The following VEPH1 variants were observed in gnomAD, a reference collection of about 807,000 sequenced individuals.
The protein encoded by VEPH1 is ventricular zone expressed PH domain containing 1.
A neutral mutation model predicts 85.2 loss-of-function variants in VEPH1; 80 were observed. That is an observed-to-expected ratio of 0.94 (90% CI 0.78 to 1.13). VEPH1 has a LOEUF of 1.13. Ranked by LOEUF, VEPH1 falls within the 50% of genes most tolerant of loss-of-function variation. The pLI is 0.00. For missense variants in VEPH1, 955 were observed against 980.5 expected, an observed-to-expected ratio of 0.97 and a Z score of 0.35; for synonymous variants, 297 against 348.0, an observed-to-expected ratio of 0.85 and a Z score of 1.63.
At chr3:157,349,256 A>T (rs1724578810) in intron 9 of VEPH1, among the ~76,000 whole-genome samples, 1 of 152,274 alleles carries the variant, frequency 6.6e-6, no homozygotes, top group African/African-American at 2.4e-5. Flanking sequence ...GTCATAAATT[A>T]TATCAATAGA....
At chr3:157,262,303 A>C (rs1713018719) in intron 13 of VEPH1, among the ~76,000 whole-genome samples, 1 of 152,148 alleles carries the variant, frequency 6.6e-6, no homozygotes, top group African/African-American at 2.4e-5. Context: ...ATTTTCAATA[A>C]TATTTCAATT....
intron 4 of VEPH1, among the ~76,000 whole-genome samples, chr3:157,435,061 T>C (rs1294050341): frequency 2.0e-5 from 3 of 151,888 alleles, no homozygotes; most frequent in African/African-American, 7.3e-5. Context: ...TTTTAAAATT[T>C]TCAATTAACT....
intron 11 of VEPH1, among the ~76,000 whole-genome samples, chr3:157,312,792 T>C (rs1157894138): frequency 2.0e-5 from 3 of 151,472 alleles, no homozygotes; most frequent in Non-Finnish European, 4.4e-5. Context: ...GGGTAATTTA[T>C]AAATAATGGA....
intron 7 of VEPH1, among the ~76,000 whole-genome samples, chr3:157,372,305 T>C (rs1039142777): frequency 1.3e-5 from 2 of 152,174 alleles, no homozygotes; most frequent in South Asian, 2.1e-4. Context: ...ATATACTTAA[T>C]CAAAAACACA....
At position 157,265,509 on chromosome 3, in the gene VEPH1, A is replaced by G. The variant is rs1036270615; in HGVS notation, c.2265+17T>C. The G allele has an allele frequency of 6.2e-7, 1 of 1,609,596 alleles. No individual in the cohort carries two copies. The highest frequency in any genetic ancestry group is 1.3e-5 in the African/African-American group (1 of 74,732). On this transcript the variant is annotated intron_variant, in intron 13 of 13. Transcript: ENST00000362010. ...AACCTTAAAAATGCAAGTGTAAAAG[A>G]TGATGGAGGAACTTACAGACTTTCC...
chr3:157,477,919 C>T (rs1375377501), intron 2 of VEPH1, among the ~76,000 whole-genome samples: 2 of 152,158 alleles, frequency 1.3e-5, no homozygotes, highest in African/African-American at 2.4e-5. Flanking sequence ...AACAAGAGAT[C>T]AATCAGCTTA....
chr3:157,294,750 GCTTTTTGAACAAATT>G (rs1205118786), intron 11 of VEPH1, among the ~76,000 whole-genome samples: 1 of 152,162 alleles, frequency 6.6e-6, no homozygotes, highest in South Asian at 2.1e-4. Context: ...CACAGTTAGG[GCTTTTTGAACAAATT>G]TTACTGAAAC....
At chr3:157,423,645 C>T (rs183707466) in intron 5 of VEPH1, among the ~76,000 whole-genome samples, 1 of 152,278 alleles carries the variant, frequency 6.6e-6, no homozygotes, top group East Asian at 1.9e-4. Flanking sequence ...AATTCATTAC[C>T]CCCATCTCTG....
At chr3:157,470,773 G>T (rs1736870226) in intron 2 of VEPH1, among the ~76,000 whole-genome samples, 1 of 152,142 alleles carries the variant, frequency 6.6e-6, no homozygotes, top group Non-Finnish European at 1.5e-5. Flanking sequence ...GGATCCCTGA[G>T]AGTACACAGG....
intron 6 of VEPH1, among the ~76,000 whole-genome samples, chr3:157,388,432 A>ATTTTCCCAG (rs1220807389): frequency 6.6e-6 from 1 of 152,148 alleles, no homozygotes; most frequent in Non-Finnish European, 1.5e-5. Flanking sequence ...TTGCCCCAAG[A>ATTTTCCCAG]TTTTCCCAGT....
intron 9 of VEPH1, among the ~76,000 whole-genome samples, chr3:157,351,307 G>C (rs1724842115): frequency 6.6e-6 from 1 of 152,128 alleles, no homozygotes; most frequent in Non-Finnish European, 1.5e-5. Context: ...TTAGCCTGGA[G>C]TGGTAGCGCA....
At chr3:157,298,183 C>T (rs1195020160) in intron 11 of VEPH1, among the ~76,000 whole-genome samples, 1 of 152,196 alleles carries the variant, frequency 6.6e-6, no homozygotes, top group Non-Finnish European at 1.5e-5. Context: ...GAATTAAATG[C>T]ATCATCTCAT....
intron 4 of VEPH1, among the ~76,000 whole-genome samples, chr3:157,457,910 A>G (rs1236802482): frequency 6.6e-6 from 1 of 152,010 alleles, no homozygotes; most frequent in Non-Finnish European, 1.5e-5. Context: ...TCTCCTCCTC[A>G]ATTTTTTGGA....
intron 4 of VEPH1, among the ~76,000 whole-genome samples, chr3:157,434,912 T>C (rs897603640): frequency 6.6e-6 from 1 of 152,202 alleles, no homozygotes; most frequent in South Asian, 2.1e-4. Context: ...TTCGTCCTCC[T>C]GAACAATGAA....
At chr3:157,483,916 T>C (rs2109633282) in intron 2 of VEPH1, among the ~76,000 whole-genome samples, 1 of 152,286 alleles carries the variant, frequency 6.6e-6, no homozygotes, top group South Asian at 2.1e-4. Context: ...GATGTGAAAG[T>C]TAATATTTGA....
chr3:157,480,622 G>A (rs918363859), intron 2 of VEPH1, among the ~76,000 whole-genome samples: 1 of 152,088 alleles, frequency 6.6e-6, no homozygotes, highest in Non-Finnish European at 1.5e-5. Context: ...TTGCTGCAAA[G>A]GACATGACTT....
chr3:157,493,370 G>C (rs1739393227), intron 2 of VEPH1: 3 of 432,168 alleles, frequency 6.9e-6, no homozygotes, highest in Non-Finnish European at 1.4e-5. Context: ...GAATAGCTGG[G>C]GCTGGATCTG....
At chr3:157,432,171 T>C (rs909343634) in intron 4 of VEPH1, among the ~76,000 whole-genome samples, 3 of 152,146 alleles carry the variant, frequency 2.0e-5, no homozygotes, top group Admixed American at 2.0e-4. Context: ...TATAGGTGAT[T>C]TCCTCACTTG....
intron 6 of VEPH1, among the ~76,000 whole-genome samples, chr3:157,406,690 G>A (rs1378798): frequency 0.59 from 89,969 of 151,662 alleles, 26,786 homozygotes; most frequent in Admixed American, 0.65. Context: ...CACAGATGCG[G>A]GCTATTGGTC....
Sources: allele counts gnomAD v4.1 joint callset (sites outside exome capture counted in the v4.1 genomes callset), GRCh38; gene constraint gnomAD v4.1.1; transcripts MANE v1.5; gene names NCBI Gene and HGNC (gene_info 2026-07-23, HGNC 2026-07-21).